RNF180: variants seen among roughly 807,000 people sequenced by gnomAD.
RNF180 encodes E3 ubiquitin-protein ligase RNF180.
Under a neutral mutation model 59.2 loss-of-function variants are expected in RNF180, and 38 were observed. That is an observed-to-expected ratio of 0.64 (90% CI 0.50 to 0.84). The LOEUF is 0.84. Ranked by LOEUF, RNF180 falls within the 40% of genes least tolerant of loss-of-function variation. RNF180 has a pLI of 0.00. For missense variants in RNF180, 705 were observed against 700.9 expected (o/e 1.01, Z -0.07); for synonymous variants, 262 against 240.3 (o/e 1.09, Z -0.84).
intron 2 of RNF180, among the ~76,000 whole-genome samples, chr5:64,206,674 GT>G (rs549314512): frequency 1.9e-4 from 29 of 152,280 alleles, no homozygotes; most frequent in African/African-American, 6.7e-4. Flanking sequence ...AAGGTGCAGT[GT>G]GACTATATCT....
chr5:64,201,994 T>A lies in RNF180; in HGVS notation c.135+1052T>A, dbSNP rs531920988. ...TACTTTTTAATGACTTGAAATAACA[T>A]TTTAATTAGGAAAATATCCAAAACT... On this transcript the variant is annotated intron_variant, in intron 2 of 7. Transcript: ENST00000389100. 4.3e-4 allele frequency among the ~76,000 whole-genome samples: 65 copies of A among 152,320 alleles called. 1 individual carries two copies. In the East Asian group the frequency reaches 0.012, roughly 29 times the overall value.
chr5:64,246,659 C>G (rs924372458), intron 5 of RNF180, among the ~76,000 whole-genome samples: 2 of 152,174 alleles, frequency 1.3e-5, no homozygotes, highest in African/African-American at 4.8e-5. Context: ...CAGATGGATT[C>G]ACATCTGAAT....
chr5:64,298,603 C>T (rs1268352445), intron 5 of RNF180, among the ~76,000 whole-genome samples: 2 of 151,968 alleles, frequency 1.3e-5, no homozygotes, highest in Non-Finnish European at 1.5e-5. Flanking sequence ...TTGTGTTCCT[C>T]CTCCTTCACT....
intron 2 of RNF180, among the ~76,000 whole-genome samples, chr5:64,207,522 G>A (rs1344444714): frequency 2.0e-5 from 3 of 152,120 alleles, no homozygotes; most frequent in African/African-American, 4.8e-5. Flanking sequence ...AATCATGTAT[G>A]GTCTTGTAAG....
intron 6 of RNF180, among the ~76,000 whole-genome samples, chr5:64,329,346 C>T (rs544254511): frequency 2.0e-5 from 3 of 152,140 alleles, no homozygotes; most frequent in African/African-American, 7.2e-5. Context: ...CATCAAGGAC[C>T]GGTTTTATGG....
chr5:64,354,366 T>C (rs922520768), intron 7 of RNF180, among the ~76,000 whole-genome samples: 5 of 151,838 alleles, frequency 3.3e-5, no homozygotes, highest in Non-Finnish European at 7.4e-5. Context: ...TGCACAAATT[T>C]ATAAAAACAT....
Position 64,303,154 on chromosome 5 carries a change from A to C in RNF180, c.1228-22032A>C, listed in dbSNP as rs188608677. On this transcript the variant is annotated intron_variant, in intron 5 of 7. Coordinates refer to ENST00000389100, the MANE Select transcript of RNF180 (RefSeq NM_001113561.2). Reference sequence around the variant, plus strand: ...TTTTGGGGCATCACCAACTATGCCCATATAAGATGGTGAACTTAATCCATA... The same window carrying C: ...TTTTGGGGCATCACCAACTATGCCCCTATAAGATGGTGAACTTAATCCATA... 3.2e-3 allele frequency among the ~76,000 whole-genome samples: 488 copies of C among 151,758 alleles called. 1 individual carries two copies. The highest frequency in any genetic ancestry group is 0.012 in the African/African-American group (480 of 41,506).
chr5:64,280,945 A>T (rs1173856234), intron 5 of RNF180, among the ~76,000 whole-genome samples: 1 of 152,024 alleles, frequency 6.6e-6, no homozygotes, highest in Non-Finnish European at 1.5e-5. Flanking sequence ...TGAGCATGGG[A>T]TGTTTTTCCA....
At chr5:64,183,798 A>AG (rs1469546320) in intron 1 of RNF180, among the ~76,000 whole-genome samples, 14 of 152,338 alleles carry the variant, frequency 9.2e-5, no homozygotes, top group Admixed American at 4.6e-4. Context: ...ATAGTAACAT[A>AG]TAGTTATCAA....
chr5:64,234,344 T>C (rs1216780801), intron 5 of RNF180, among the ~76,000 whole-genome samples: 8 of 151,878 alleles, frequency 5.3e-5, no homozygotes, highest in Admixed American at 5.2e-4. Flanking sequence ...CATGTGCCTG[T>C]AGTCCCAGCT....
At chr5:64,251,431 GT>G (rs1743570565) in intron 5 of RNF180, among the ~76,000 whole-genome samples, 1 of 152,160 alleles carries the variant, frequency 6.6e-6, no homozygotes, top group African/African-American at 2.4e-5. Context: ...TAGTTAGCTA[GT>G]TAATTAATTA....
chr5:64,289,151 T>G (rs1011136548), intron 5 of RNF180, among the ~76,000 whole-genome samples: 2 of 152,242 alleles, frequency 1.3e-5, no homozygotes, highest in Admixed American at 1.3e-4. Context: ...GAGATAATCA[T>G]GTGGTTTTTG....
At chr5:64,340,455 G>A (rs1373459641) in intron 7 of RNF180, among the ~76,000 whole-genome samples, 2 of 152,162 alleles carry the variant, frequency 1.3e-5, no homozygotes, top group African/African-American at 2.4e-5. Flanking sequence ...AACATGCTCA[G>A]TATAAATCAA....
chr5:64,359,478 G>A (rs983848814), intron 7 of RNF180, among the ~76,000 whole-genome samples: 10 of 151,916 alleles, frequency 6.6e-5, no homozygotes, highest in African/African-American at 2.4e-4. Context: ...TTTTTGATGG[G>A]GTTGTTTGTT....
intron 5 of RNF180, among the ~76,000 whole-genome samples, chr5:64,301,564 T>C (rs2112455073): frequency 6.6e-6 from 1 of 151,906 alleles, no homozygotes; most frequent in East Asian, 1.9e-4. Context: ...TGTTAAACAT[T>C]CCTTCTTTTA....
At chr5:64,205,163 C>T (rs781582476) in intron 2 of RNF180, among the ~76,000 whole-genome samples, 1 of 152,134 alleles carries the variant, frequency 6.6e-6, no homozygotes, top group African/African-American at 2.4e-5. Flanking sequence ...AGAAACAGTA[C>T]AAATGCAGCC....
At chr5:64,188,778 A>G (rs1426501616) in intron 1 of RNF180, among the ~76,000 whole-genome samples, 2 of 152,156 alleles carry the variant, frequency 1.3e-5, no homozygotes, top group African/African-American at 4.8e-5. Flanking sequence ...CGTAATAAAC[A>G]TGAGCATTCT....
At chr5:64,238,815 C>T (rs557784929) in intron 5 of RNF180, among the ~76,000 whole-genome samples, 3 of 151,940 alleles carry the variant, frequency 2.0e-5, no homozygotes, top group Admixed American at 6.6e-5. Flanking sequence ...TTTTCTTTGC[C>T]GTATAGAAGT....
chr5:64,177,688 A>T (rs1750332103), intron 1 of RNF180, among the ~76,000 whole-genome samples: 2 of 151,874 alleles, frequency 1.3e-5, no homozygotes, highest in South Asian at 4.1e-4. Flanking sequence ...GGTATAAAGC[A>T]TAACTTAGTA....
Sources: allele counts gnomAD v4.1 joint callset (sites outside exome capture counted in the v4.1 genomes callset), GRCh38; gene constraint gnomAD v4.1.1; transcripts MANE v1.5; gene names NCBI Gene and HGNC (gene_info 2026-07-23, HGNC 2026-07-21).